Variants in SH3RF3 observed in about 807,000 individuals in gnomAD.
The protein encoded by SH3RF3 is E3 ubiquitin-protein ligase SH3RF3.
SH3RF3 carries 29 observed loss-of-function variants against 66.3 expected under a neutral mutation model. The observed-to-expected ratio is 0.44, with a 90% CI of 0.33 to 0.60. The LOEUF is 0.60. SH3RF3 is among the 20% of genes least tolerant of loss of function. The pLI, the probability that SH3RF3 is intolerant of heterozygous loss-of-function variation, is 0.04. For synonymous variants in SH3RF3, 583 were observed against 532.0 expected (o/e 1.10, Z -1.32); for missense variants, 1,194 against 1,190.9 (o/e 1.00, Z -0.04).
chr2:109,363,804 TC>T (rs1007755803), intron 2 of SH3RF3, among the ~76,000 whole-genome samples: 10 of 152,364 alleles, frequency 6.6e-5, no homozygotes, highest in African/African-American at 2.4e-4. Flanking sequence ...GCTTGCATTT[TC>T]TTTTGAAAAT....
At chr2:109,488,574 C>A (rs1679041726) in intron 8 of SH3RF3, among the ~76,000 whole-genome samples, 1 of 152,210 alleles carries the variant, frequency 6.6e-6, no homozygotes, top group Non-Finnish European at 1.5e-5. Flanking sequence ...CCACTCAGAT[C>A]CCAGGGTTCT....
chr2:109,490,777 G>C lies in SH3RF3; in HGVS notation c.2321G>C (p.Gly774Ala), dbSNP rs1558643529. The C allele has an allele frequency of 6.5e-7, 1 of 1,536,688 alleles. No individual in the cohort carries two copies. The highest frequency in any genetic ancestry group is 2.4e-5 in the East Asian group (1 of 40,876). The change falls in exon 9 of 10, where the codon GGG (glycine) becomes GCG (alanine). Residue 774 changes from glycine (G) to alanine (A), a missense_variant. Coordinates refer to ENST00000309415, the MANE Select transcript of SH3RF3 (RefSeq NM_001099289.3). The stretch of plus-strand genomic sequence containing the variant: ...TCACTGTCCATCCACGGCAGGGCAG[G>C]GTCCTGCCCCATAGAGAGCGAGATG... ...VSSLSIHGRA[G>A]SCPIESEMQG... is the part of the protein sequence containing the mutation.
chr2:109,428,034 C>A (rs1304812891), intron 5 of SH3RF3, among the ~76,000 whole-genome samples: 1 of 152,244 alleles, frequency 6.6e-6, no homozygotes, highest in Non-Finnish European at 1.5e-5. Flanking sequence ...CCCTCCCCAG[C>A]CCCCTGGCCT....
At chr2:109,338,714 C>A (rs1042396969) in intron 1 of SH3RF3, among the ~76,000 whole-genome samples, 1 of 152,170 alleles carries the variant, frequency 6.6e-6, no homozygotes, top group Non-Finnish European at 1.5e-5. Context: ...TGCGCCACCA[C>A]GCCCGACTAA....
chr2:109,439,582 G>T (rs775239809), intron 7 of SH3RF3, among the ~76,000 whole-genome samples: 1 of 152,042 alleles, frequency 6.6e-6, no homozygotes, highest in Non-Finnish European at 1.5e-5. Flanking sequence ...AATTGCATTG[G>T]CCATAGCATC....
In SH3RF3 at chr2:109,130,118, G is replaced by C; in HGVS notation, c.573+5G>C. ...AGGACCGCGCCGGCGGCAAAGGTGA[G>C]TATCTGTCTCGGCGGAAGTGGCCAC... On this transcript the variant is annotated splice_donor_5th_base_variant and intron_variant, in intron 1 of 9. Transcript: ENST00000309415. 7.7e-7 allele frequency: 1 copy of C among 1,302,008 alleles called. No individual in the cohort carries two copies. Among genetic ancestry groups the C allele is most frequent in the Non-Finnish European group, 9.7e-7 (1 of 1,028,676 alleles). The allele number at this position is 1,302,008 out of a possible 1,614,324, so 80.7% of individuals were successfully genotyped here.
At chr2:109,182,776 T>A (rs1558944516) in intron 1 of SH3RF3, among the ~76,000 whole-genome samples, 1 of 152,254 alleles carries the variant, frequency 6.6e-6, no homozygotes, top group Non-Finnish European at 1.5e-5. Context: ...ATTTTAAAAT[T>A]AAAGTGTCAG....
chr2:109,386,825 C>A (rs770172215), intron 3 of SH3RF3, among the ~76,000 whole-genome samples: 16 of 152,186 alleles, frequency 1.1e-4, no homozygotes, highest in Non-Finnish European at 2.2e-4. Context: ...TGCATTCTCA[C>A]AAAACCAAAG....
At chr2:109,471,956 A>T (rs1012495326) in intron 8 of SH3RF3, among the ~76,000 whole-genome samples, 1 of 152,120 alleles carries the variant, frequency 6.6e-6, no homozygotes. Flanking sequence ...GAAGCAGGCC[A>T]TTTTCCTCCA....
chr2:109,493,689 C>T (rs929918462), intron 9 of SH3RF3, among the ~76,000 whole-genome samples: 1 of 151,832 alleles, frequency 6.6e-6, no homozygotes, highest in Non-Finnish European at 1.5e-5. Flanking sequence ...ACACCATACA[C>T]ACACCACACA....
intron 1 of SH3RF3, among the ~76,000 whole-genome samples, chr2:109,203,127 G>A (rs1678725933): frequency 6.6e-6 from 1 of 151,998 alleles, no homozygotes; most frequent in Admixed American, 6.5e-5. Flanking sequence ...GGGCCTGTCC[G>A]TGTCCTCAGC....
intron 1 of SH3RF3, among the ~76,000 whole-genome samples, chr2:109,187,630 C>G (rs1466059724): frequency 6.6e-6 from 1 of 152,180 alleles, no homozygotes; most frequent in Non-Finnish European, 1.5e-5. Context: ...CTAGGTATGT[C>G]TTAGGCTATG....
At chr2:109,370,015 A>C (rs1385461267) in intron 2 of SH3RF3, among the ~76,000 whole-genome samples, 1 of 152,128 alleles carries the variant, frequency 6.6e-6, no homozygotes, top group Non-Finnish European at 1.5e-5. Context: ...CAAGTCACAC[A>C]TGGGCCAGCT....
intron 1 of SH3RF3, among the ~76,000 whole-genome samples, chr2:109,226,099 A>G (rs575681368): frequency 8.5e-5 from 13 of 152,338 alleles, no homozygotes; most frequent in African/African-American, 3.1e-4. Flanking sequence ...GACTCAGGCT[A>G]AATCACTTGT....
intron 1 of SH3RF3, among the ~76,000 whole-genome samples, chr2:109,287,434 G>C (rs1304506713): frequency 1.3e-5 from 2 of 152,136 alleles, no homozygotes; most frequent in African/African-American, 4.8e-5. Context: ...TTTTCTTGAG[G>C]TGCTTAGGTA....
At chr2:109,457,140 G>C (rs1678083072) in intron 8 of SH3RF3, among the ~76,000 whole-genome samples, 1 of 152,224 alleles carries the variant, frequency 6.6e-6, no homozygotes, top group African/African-American at 2.4e-5. Flanking sequence ...ACCCTGAGTT[G>C]TTGGGAGTAG....
At chr2:109,424,056 A>G (rs1676965000) in intron 5 of SH3RF3, among the ~76,000 whole-genome samples, 1 of 152,186 alleles carries the variant, frequency 6.6e-6, no homozygotes, top group South Asian at 2.1e-4. Context: ...TGGTGGTGGC[A>G]GCACATCCCC....
intron 1 of SH3RF3, among the ~76,000 whole-genome samples, chr2:109,304,779 C>G (rs1235235071): frequency 2.6e-5 from 4 of 152,090 alleles, no homozygotes; most frequent in African/African-American, 2.4e-5. Context: ...GAGCAGGGAC[C>G]CGGCTCAGCC....
chr2:109,175,203 C>T (rs541562202), intron 1 of SH3RF3, among the ~76,000 whole-genome samples: 12 of 152,228 alleles, frequency 7.9e-5, no homozygotes, highest in East Asian at 3.9e-4. Context: ...TCAGTGGTGA[C>T]GTCAGTTTGG....
Sources: allele counts gnomAD v4.1 joint callset (sites outside exome capture counted in the v4.1 genomes callset), GRCh38; gene constraint gnomAD v4.1.1; transcripts MANE v1.5; gene names NCBI Gene and HGNC (gene_info 2026-07-23, HGNC 2026-07-21).